TMEM9: variants seen among roughly 807,000 people sequenced by gnomAD.
TMEM9 encodes transmembrane protein 9.
In TMEM9, 13 loss-of-function variants were observed where a neutral mutation model predicts 22.8. That is an observed-to-expected ratio of 0.57 (90% CI 0.37 to 0.91). The LOEUF (loss-of-function observed/expected upper bound fraction) is 0.91, where lower values mean the gene tolerates loss of function less well. Among genes scored for constraint, TMEM9 ranks in the 40% least tolerant of loss-of-function variants. The pLI is 0.01. For synonymous variants in TMEM9, 88 were observed against 93.0 expected (o/e 0.95, Z 0.31); for missense variants, 182 against 238.1 (o/e 0.76, Z 1.55).
chr1:201,137,983 G>T (rs1387123858), intron 4 of TMEM9, among the ~76,000 whole-genome samples: 1 of 152,172 alleles, frequency 6.6e-6, no homozygotes, highest in Non-Finnish European at 1.5e-5. Flanking sequence ...CCGTCTACAT[G>T]AGGTGGGCAC....
At chr1:201,142,148 G>A (rs376825978) in intron 4 of TMEM9, among the ~76,000 whole-genome samples, 13 of 152,196 alleles carry the variant, frequency 8.5e-5, no homozygotes, top group African/African-American at 1.9e-4. Flanking sequence ...CCAATGGGGC[G>A]AGGCTCATCC....
At chr1:201,139,329 G>A (rs770901565) in intron 4 of TMEM9, among the ~76,000 whole-genome samples, 5 of 152,324 alleles carry the variant, frequency 3.3e-5, no homozygotes, top group Non-Finnish European at 5.9e-5. Flanking sequence ...AAGCCCTTCA[G>A]CAAGAGGACT....
chr1:201,144,144 G>A (rs1291470696), intron 3 of TMEM9, 193 bp from the exon 4 acceptor site: 2 of 573,364 alleles, frequency 3.5e-6, no homozygotes, highest in Non-Finnish European at 6.2e-6. Flanking sequence ...CTCCACAGAG[G>A]AAGCACTCTG....
chr1:201,145,829 A>G (rs1664911384), intron 3 of TMEM9, among the ~76,000 whole-genome samples: 1 of 152,094 alleles, frequency 6.6e-6, no homozygotes, highest in African/African-American at 2.4e-5. Flanking sequence ...GGGTGTGGTG[A>G]TGTGCACCTG....
rs1386882298 is a variant in TMEM9, at chr1:201,143,868, T to G, written c.351A>C (p.Arg117=). 2.5e-6 allele frequency: 4 copies of G among 1,613,968 alleles called. No individual in the cohort carries two copies. Among genetic ancestry groups the G allele is most frequent in the Admixed American group, 1.7e-5 (1 of 59,996 alleles). Reference sequence around the variant, plus strand: ...GTTGCTCAGTATATGCATCCGGCTTTCGGATCAGAGGGTCCACCAGCATCA... The same window carrying G: ...GTTGCTCAGTATATGCATCCGGCTTGCGGATCAGAGGGTCCACCAGCATCA... ...AFLMLVDPLI[R]KPDAYTEQLH... The change falls in exon 4 of 5, where the codon CGA becomes CGC. Residue 117 remains arginine, a synonymous_variant. Transcript: ENST00000367330.
intron 1 of TMEM9, among the ~76,000 whole-genome samples, chr1:201,163,229 G>C (rs372205704): frequency 6.6e-6 from 1 of 152,162 alleles, no homozygotes; most frequent in Non-Finnish European, 1.5e-5. Flanking sequence ...TGAAGCTGCA[G>C]TGAACCATGG....
At chr1:201,149,591 T>C (rs1244872813) in intron 2 of TMEM9, among the ~76,000 whole-genome samples, 2 of 152,114 alleles carry the variant, frequency 1.3e-5, no homozygotes, top group Non-Finnish European at 2.9e-5. Flanking sequence ...CAACACTAGG[T>C]GGCAGGATAC....
At chr1:201,151,740 G>T (rs879151005) in intron 2 of TMEM9, 21 bp downstream of exon 2, 1 of 1,583,762 alleles carries the variant, frequency 6.3e-7, no homozygotes, top group South Asian at 1.1e-5. Flanking sequence ...AGCAGCCAGG[G>T]GCCTGCGTGT....
At chr1:201,156,644 C>G (rs1370263531), upstream of TMEM9, among the ~76,000 whole-genome samples, 1 of 152,216 alleles carries the variant, frequency 6.6e-6, no homozygotes, top group Non-Finnish European at 1.5e-5. Flanking sequence ...AATCTTTGCC[C>G]AAGCATTTGC....
At position 201,153,974 on chromosome 1, in the gene TMEM9, ACGGAGT is replaced by A; in HGVS notation, c.-57_-52del. On this transcript the variant is annotated 5_prime_UTR_variant, in exon 1 of 5. Coordinates refer to ENST00000367330, the MANE Select transcript of TMEM9 (RefSeq NM_001288565.2). Reference sequence around the variant, plus strand: ...AAGCCGGACACCTGGAAAAAGAGATACGGAGTCGGAGAAGGGGAAGGTGGCCACACC... The same window carrying A: ...AAGCCGGACACCTGGAAAAAGAGATACGGAGAAGGGGAAGGTGGCCACACC... 2 of 1,568,656 alleles carry A rather than the reference ACGGAGT, an allele frequency of 1.3e-6. No homozygotes were observed. Among genetic ancestry groups the A allele is most frequent in the African/African-American group, 1.4e-5 (1 of 73,702 alleles).
chr1:201,143,811 C>T lies in TMEM9; in HGVS notation c.399+9G>A. On this transcript the variant is annotated intron_variant, in intron 4 of 4. Transcript: ENST00000367330. ...GGACCCAGGGCCTGGGCACTCAAAG[C>T]CCTCTTACCTCATTCTCCTCCTCAT... 6.2e-7 allele frequency: 1 copy of T among 1,613,644 alleles called. No homozygotes were observed. Among genetic ancestry groups the T allele is most frequent in the Non-Finnish European group, 8.5e-7 (1 of 1,179,786 alleles).
At chr1:201,151,629 A>G (rs1245083536) in intron 2 of TMEM9, 132 bp downstream of exon 2, 1 of 693,054 alleles carries the variant, frequency 1.4e-6, no homozygotes, top group African/African-American at 1.8e-5. Flanking sequence ...CTGTGACATG[A>G]ATAATTACTC....
At chr1:201,141,484 A>G (rs1426098743) in intron 4 of TMEM9, among the ~76,000 whole-genome samples, 1 of 152,052 alleles carries the variant, frequency 6.6e-6, no homozygotes, top group Non-Finnish European at 1.5e-5. Flanking sequence ...AGGGCACCCA[A>G]TGAGATCTAC....
intron 4 of TMEM9, among the ~76,000 whole-genome samples, chr1:201,141,470 G>A (rs1038485930): frequency 6.6e-6 from 1 of 152,118 alleles, no homozygotes; most frequent in African/African-American, 2.4e-5. Context: ...TCCTTACCCA[G>A]CCAAGGGCAC....
chr1:201,143,934 G>A lies in TMEM9; in HGVS notation c.285C>T (p.Tyr95=). 1 of 1,614,126 alleles carries A rather than the reference G, an allele frequency of 6.2e-7. No individual in the cohort carries two copies. Among genetic ancestry groups the A allele is most frequent in the Non-Finnish European group, 8.5e-7 (1 of 1,180,014 alleles). Residue 95 remains tyrosine, a synonymous_variant, in exon 4 of 5, where the codon TAC becomes TAT. Coordinates refer to ENST00000367330, the MANE Select transcript of TMEM9 (RefSeq NM_001288565.2). ...GCAACAGGGCACCCACCACGGACAG[G>A]TAGATGACAATGATGACCTGAGGAA... ...TTTIKVIIVI[Y]LSVVGALLLY...
upstream of TMEM9, among the ~76,000 whole-genome samples, chr1:201,156,900 C>T (rs1363788462): frequency 6.6e-6 from 1 of 152,202 alleles, no homozygotes; most frequent in South Asian, 2.1e-4. Context: ...AATGCACAAC[C>T]TAATAGCAGA....
rs1665633797 is a variant in TMEM9 at position 201,153,875 on chromosome 1, G to A, written c.49C>T (p.Pro17Ser). Residue 17 changes from proline to serine, a missense_variant, in exon 1 of 5, where the codon CCA (proline) becomes TCA (serine). Pro to Ser is a moderately conservative substitution (Grantham distance 74, BLOSUM62 -1). Transcript: ENST00000367330. Reference sequence around the variant, plus strand: ...TCCCTCACCTTGTTGGCTTCAGCTGGGGGCACCAGCAAACACCCGACCACA... The same window carrying A: ...TCCCTCACCTTGTTGGCTTCAGCTGAGGGCACCAGCAAACACCCGACCACA... Reference protein sequence around the residue: ...VAVVGCLLVPPAEANKSSEDI... With the variant: ...VAVVGCLLVPSAEANKSSEDI... 3 of 1,614,170 alleles carry A rather than the reference G, an allele frequency of 1.9e-6. No homozygotes were observed. Among genetic ancestry groups the A allele is most frequent in the South Asian group, 1.1e-5 (1 of 91,080 alleles).
At chr1:201,158,310 T>C (rs1665854699), upstream of TMEM9, among the ~76,000 whole-genome samples, 2 of 152,110 alleles carry the variant, frequency 1.3e-5, no homozygotes, top group African/African-American at 4.8e-5. Context: ...TCGTGTTGTT[T>C]GAAGCCACCA....
At chr1:201,146,162 T>C (rs1043396606) in intron 3 of TMEM9, among the ~76,000 whole-genome samples, 1 of 152,176 alleles carries the variant, frequency 6.6e-6, no homozygotes, top group Non-Finnish European at 1.5e-5. Flanking sequence ...AGACACCTCG[T>C]GACGTCTATG....
Sources: allele counts gnomAD v4.1 joint callset (sites outside exome capture counted in the v4.1 genomes callset), GRCh38; gene constraint gnomAD v4.1.1; transcripts MANE v1.5; gene names NCBI Gene and HGNC (gene_info 2026-07-23, HGNC 2026-07-21).